Variants in IQSEC3 observed in about 807,000 individuals in gnomAD.
IQSEC3 encodes the protein IQ motif and SEC7 domain-containing protein 3.
Under a neutral mutation model 105.4 loss-of-function variants are expected in IQSEC3, and 50 were observed. The ratio of observed to expected loss-of-function variants is 0.47; its 90% CI spans 0.38 to 0.60. IQSEC3 has a LOEUF of 0.60. IQSEC3 is among the 20% of genes least tolerant of loss of function. The pLI is 0.00. For synonymous variants in IQSEC3, 708 were observed against 746.0 expected, an observed-to-expected ratio of 0.95 and a Z score of 0.83; for missense variants, 1,415 against 1,630.0, an observed-to-expected ratio of 0.87 and a Z score of 2.27.
At chr12:89,132 TC>T (rs1864006159) in intron 1 of IQSEC3, among the ~76,000 whole-genome samples, 1 of 152,132 alleles carries the variant, frequency 6.6e-6, no homozygotes, top group Non-Finnish European at 1.5e-5. Context: ...CTAGGGACTC[TC>T]AGTCCTTAGG....
In IQSEC3 at chr12:66,797, C is replaced by G. The variant is rs1454719906; in HGVS notation, c.-86C>G. On this transcript the variant is annotated 5_prime_UTR_variant, in exon 1 of 14. Transcript: ENST00000538872. The stretch of plus-strand genomic sequence containing the variant: ...GGGCCGGTGGGAGAGGGAGGCGAGC[C>G]GACCGCTGGGCTGCTGGGCTCCCGC... The G allele has an allele frequency of 1.2e-4, 150 of 1,230,398 alleles. No individual in the cohort carries two copies. Among genetic ancestry groups the G allele is most frequent in the Non-Finnish European group, 1.4e-4 (133 of 974,342 alleles). The allele number at this position is 1,230,398 out of a possible 1,614,324, so 76.2% of individuals were successfully genotyped here.
At chr12:140,060 C>T (rs1349018038) in intron 4 of IQSEC3, among the ~76,000 whole-genome samples, 1 of 152,206 alleles carries the variant, frequency 6.6e-6, no homozygotes, top group Admixed American at 6.5e-5. Context: ...CCATCCTCCA[C>T]TCGCCCCTTC....
intron 1 of IQSEC3, among the ~76,000 whole-genome samples, chr12:70,749 G>A (rs769324905): frequency 6.6e-6 from 1 of 152,258 alleles, no homozygotes. Flanking sequence ...TGGATGACAG[G>A]GCTTGTCCAT....
At chr12:91,442 TC>T (rs1326604771) in intron 1 of IQSEC3, among the ~76,000 whole-genome samples, 1 of 152,094 alleles carries the variant, frequency 6.6e-6, no homozygotes, top group African/African-American at 2.4e-5. Context: ...TGACTGTTGC[TC>T]CTCTGGCAGC....
At chr12:143,899 A>G (rs1484161803) in intron 5 of IQSEC3, 1 of 155,530 alleles carries the variant, frequency 6.4e-6, no homozygotes, top group East Asian at 1.9e-4. Flanking sequence ...CAGGGAACGT[A>G]CAGACCCAGG....
rs782494740 is a variant in IQSEC3, at chr12:163,526, C to G, written c.2616C>G (p.Cys872Trp). The change falls in exon 9 of 14, where the codon TGC (cysteine) becomes TGG (tryptophan). Residue 872 changes from cysteine (C) to tryptophan (W), a missense_variant. Cys to Trp is a radical substitution (Grantham distance 215, BLOSUM62 -2). Transcript: ENST00000538872. ...CCGTGCCCCACCGCCGCCTGGTGTG[C>G]TGCAGCCGGCTCTTCGAGGTGACGG... ...VLSVPHRRLV[C>W]CSRLFEVTDV... 7.4e-6 allele frequency: 12 copies of G among 1,611,260 alleles called. No homozygotes were observed. In the South Asian group the frequency reaches 1.3e-4, roughly 18 times the overall value.
At chr12:117,093 C>T (rs1052455330) in intron 2 of IQSEC3, among the ~76,000 whole-genome samples, 1 of 152,100 alleles carries the variant, frequency 6.6e-6, no homozygotes, top group Non-Finnish European at 1.5e-5. Flanking sequence ...AGGGAGATGA[C>T]TTTGGGTTGT....
chr12:131,161 T>C (rs1309957767), intron 3 of IQSEC3, among the ~76,000 whole-genome samples: 2 of 152,006 alleles, frequency 1.3e-5, no homozygotes, highest in Non-Finnish European at 2.9e-5. Context: ...AGGGGGCACG[T>C]TCTAATTAAC....
chr12:132,103 C>T (rs1458249794), intron 3 of IQSEC3, among the ~76,000 whole-genome samples: 2 of 152,160 alleles, frequency 1.3e-5, no homozygotes, highest in African/African-American at 4.8e-5. Flanking sequence ...AGGGAGACCC[C>T]GTCTGTTCGG....
At chr12:141,336 G>C in intron 5 of IQSEC3, 51 bp downstream of exon 5, 2 of 1,572,234 alleles carry the variant, frequency 1.3e-6, no homozygotes, top group Non-Finnish European at 1.7e-6. Context: ...CACCCCACCT[G>C]CCCGGGCTCT....
At chr12:173,425 GT>G (rs1371659645) in intron 13 of IQSEC3, among the ~76,000 whole-genome samples, 3 of 152,182 alleles carry the variant, frequency 2.0e-5, no homozygotes, top group Non-Finnish European at 4.4e-5. Flanking sequence ...CCGGGAAAGG[GT>G]GTCCCTGAAC....
In IQSEC3 at chr12:171,141, CCGG is replaced by C. The variant is rs782123160; in HGVS notation, c.3098_3100del (p.Ala1033del). 142 of 1,614,070 alleles carry C rather than the reference CCGG, an allele frequency of 8.8e-5. 2 individuals are homozygous for C. The South Asian group carries it at 1.5e-3, about 17-fold the overall frequency. On this transcript the variant is annotated inframe_deletion, in exon 13 of 14. Coordinates refer to ENST00000538872, the MANE Select transcript of IQSEC3 (RefSeq NM_001170738.2). ...AAGGGAAGCCGCGCTCAGGGAGAGG[CCGG>C]CGGAGAGCACGGTGGAGGTAAGTGG...
chr12:83,572 C>T (rs1863819415), intron 1 of IQSEC3, among the ~76,000 whole-genome samples: 1 of 148,892 alleles, frequency 6.7e-6, no homozygotes, highest in East Asian at 2.0e-4. Context: ...GGCATGTGTT[C>T]AAAGAACAGA....
At chr12:142,147 T>A (rs969343517) in intron 5 of IQSEC3, 3 of 152,236 alleles carry the variant, frequency 2.0e-5, no homozygotes, top group Non-Finnish European at 4.4e-5. Flanking sequence ...CTCTTTCTCC[T>A]TGGGGACAGT....
rs907580466 is a variant in IQSEC3 at position 178,391 on chromosome 12, C to T, written c.*3358C>T. 1.3e-5 allele frequency: 2 copies of T among 152,188 alleles called. No individual in the cohort carries two copies. Among genetic ancestry groups the T allele is most frequent in the African/African-American group, 2.4e-5 (1 of 41,450 alleles). 9.4% of individuals were successfully genotyped at this position (152,188 alleles called of 1,614,324 possible). ...TGGCAAATATTTTGTAACAAAATAG[C>T]CCAGAGGTATTTTATCTGTTCAATT... On this transcript the variant is annotated 3_prime_UTR_variant, in exon 14 of 14. Coordinates refer to ENST00000538872, the MANE Select transcript of IQSEC3 (RefSeq NM_001170738.2).
In IQSEC3 at chr12:171,364, C is replaced by T. The variant is rs782797649; in HGVS notation, c.3114+203C>T. ...TTCCAGCGCCTAATTAAGCCACGAGCTCTTTCTCCCCTTTCCCCAGCCTGC... is the reference window on the plus strand; with the variant it reads ...TTCCAGCGCCTAATTAAGCCACGAGTTCTTTCTCCCCTTTCCCCAGCCTGC... On this transcript the variant is annotated intron_variant, in intron 13 of 13. Coordinates refer to ENST00000538872, the MANE Select transcript of IQSEC3 (RefSeq NM_001170738.2). 5 of 1,564,768 alleles carry T rather than the reference C, an allele frequency of 3.2e-6. No homozygotes were observed. The East Asian group carries it at 1.1e-4, about 35-fold the overall frequency.
chr12:137,145 T>G (rs1865798394), intron 3 of IQSEC3, among the ~76,000 whole-genome samples: 1 of 151,396 alleles, frequency 6.6e-6, no homozygotes, highest in South Asian at 2.1e-4. Context: ...ACCCCCATTC[T>G]TGAGACACCC....
At chr12:92,539 C>T (rs1864120727) in intron 1 of IQSEC3, among the ~76,000 whole-genome samples, 1 of 152,228 alleles carries the variant, frequency 6.6e-6, no homozygotes, top group African/African-American at 2.4e-5. Flanking sequence ...GCTGCCCCCA[C>T]CCCAAGTGTG....
chr12:168,576 A>G (rs1436542184), intron 11 of IQSEC3, among the ~76,000 whole-genome samples: 1 of 152,224 alleles, frequency 6.6e-6, no homozygotes, highest in Non-Finnish European at 1.5e-5. Flanking sequence ...TAAGGAGTAC[A>G]GGTCACTAGC....
Sources: allele counts gnomAD v4.1 joint callset (sites outside exome capture counted in the v4.1 genomes callset), GRCh38; gene constraint gnomAD v4.1.1; transcripts MANE v1.5; gene names NCBI Gene and HGNC (gene_info 2026-07-23, HGNC 2026-07-21).